MUC12: variants seen among roughly 807,000 people sequenced by gnomAD.
MUC12 encodes the protein mucin 12, cell surface associated, also known as mucin-12.
MUC12 carries 172 observed loss-of-function variants against 230.8 expected under a neutral mutation model. That is an observed-to-expected ratio of 0.75 (90% CI 0.66 to 0.85). The LOEUF (loss-of-function observed/expected upper bound fraction) is 0.85, where lower values mean the gene tolerates loss of function less well. Ranked by LOEUF, MUC12 falls within the 40% of genes least tolerant of loss-of-function variation. The probability of loss-of-function intolerance (pLI) is 0.00; values close to 1 mark genes in which losing one functional copy is unlikely to be tolerated. For synonymous variants in MUC12, 1,259 were observed against 2,401.9 expected (o/e 0.52, Z 13.91); for missense variants, 3,506 against 5,920.6 (o/e 0.59, Z 13.38).
Position 101,008,618 on chromosome 7 carries a change from T to C in MUC12, c.15059-16T>C, listed in dbSNP as rs757005430. ...GGAGGTCGCTGTCTCACGCATACCA[T>C]GGCCTTTTCCCACAGAAACCCCGGA... is the stretch of plus-strand genomic sequence containing the variant. On this transcript the variant is annotated splice_polypyrimidine_tract_variant and intron_variant, in intron 3 of 11. Transcript: ENST00000536621. 2 of 1,536,502 alleles carry C rather than the reference T, an allele frequency of 1.3e-6. No homozygotes were observed. The highest frequency in any genetic ancestry group is 2.4e-5 in the South Asian group (2 of 83,904).
intron 1 of MUC12, among the ~76,000 whole-genome samples, chr7:100,976,025 C>T (rs900645772): frequency 1.3e-5 from 2 of 152,242 alleles, no homozygotes; most frequent in Non-Finnish European, 2.9e-5. Context: ...TGGTGGCTCA[C>T]TCATGCCTGT....
chr7:101,004,580 A>T lies in MUC12; in HGVS notation c.14017A>T (p.Ser4673Cys). The T allele has an allele frequency of 6.5e-7, 1 of 1,537,074 alleles. No individual in the cohort carries two copies. The highest frequency in any genetic ancestry group is 8.7e-7 in the Non-Finnish European group (1 of 1,146,720). ...AATTGCAACAACACACTTTCCTGAG[A>T]GCTCCACAACCTCCGGCCGTAGTGA... ...GSIATTHFPE[S>C]STTSGRSEES... Residue 4673 changes from serine (S) to cysteine (C), a missense_variant, in exon 2 of 12, where the codon AGC becomes TGC. By Grantham distance (112) the Ser-to-Cys change is moderately radical. Transcript: ENST00000536621.
rs1793279908 is a variant in MUC12 at position 100,990,995 on chromosome 7, C to A, written c.432C>A (p.Pro144=). Residue 144 remains proline (P), a synonymous_variant, in exon 2 of 12, where the codon CCC becomes CCA. Transcript: ENST00000536621. ...SEKSTTFYSS[P]RSPDRTLSPA... is the part of the protein sequence containing the mutation. ...AATCTACCACCTTCTACAGTAGCCC[C>A]AGATCACCAGACAGAACACTCTCAC... 1 of 1,537,866 alleles carries A rather than the reference C, an allele frequency of 6.5e-7. No individual in the cohort carries two copies. The highest frequency in any genetic ancestry group is 1.4e-5 in the African/African-American group (1 of 73,136).
chr7:100,988,524 A>G (rs1793229726), intron 1 of MUC12, among the ~76,000 whole-genome samples: 1 of 152,114 alleles, frequency 6.6e-6, no homozygotes, highest in African/African-American at 2.4e-5. Flanking sequence ...ACCCAGGCTT[A>G]CGTATTTCTT....
rs1046022837 is a variant in MUC12, at chr7:101,009,081, C to T, written c.15187-14C>T. The T allele has an allele frequency of 3.3e-6, 5 of 1,537,536 alleles. No homozygotes were observed. In the African/African-American group the frequency reaches 6.8e-5, roughly 21 times the overall value. ...TCTAGCTTTGTGTGACCTTCGCTGC[C>T]TTGTTTCTTTCAGATGGATGTCGTT... On this transcript the variant is annotated splice_polypyrimidine_tract_variant and intron_variant, in intron 4 of 11. Coordinates refer to ENST00000536621, the MANE Select transcript of MUC12 (RefSeq NM_001164462.2).
intron 1 of MUC12, among the ~76,000 whole-genome samples, chr7:100,981,941 A>G (rs1793114289): frequency 6.9e-6 from 1 of 145,176 alleles, no homozygotes; most frequent in South Asian, 2.2e-4. Flanking sequence ...ATCTCAGCTC[A>G]CTGCAACCTA....
intron 1 of MUC12, among the ~76,000 whole-genome samples, chr7:100,984,605 A>G (rs1452890081): frequency 6.6e-6 from 1 of 151,548 alleles, no homozygotes; most frequent in Non-Finnish European, 1.5e-5. Context: ...TTCTCTTCCC[A>G]AGGCCGTCTA....
chr7:100,973,783 A>G (rs1175714658), intron 1 of MUC12, among the ~76,000 whole-genome samples: 2 of 152,146 alleles, frequency 1.3e-5, no homozygotes, highest in East Asian at 3.8e-4. Flanking sequence ...AGCTGGGTGT[A>G]GTGGTTCATG....
chr7:101,017,263 C>T, intron 10 of MUC12: 1 of 278,122 alleles, frequency 3.6e-6, no homozygotes, highest in Non-Finnish European at 6.7e-6. Context: ...GCCCTGTCTC[C>T]CGCTCCACTC....
At chr7:100,986,991 G>T (rs1338073678) in intron 1 of MUC12, among the ~76,000 whole-genome samples, 2 of 150,996 alleles carry the variant, frequency 1.3e-5, no homozygotes, top group Admixed American at 6.6e-5. Context: ...AATCCTACAC[G>T]TACTGTCCCA....
At position 100,990,986 on chromosome 7, in the gene MUC12, C is replaced by A; in HGVS notation, c.423C>A (p.Tyr141Ter). 1 of 1,537,896 alleles carries A rather than the reference C, an allele frequency of 6.5e-7. No homozygotes were observed. The highest frequency in any genetic ancestry group is 8.7e-7 in the Non-Finnish European group (1 of 1,147,050). Residue 141 changes from tyrosine (Y) to a stop codon, truncating the protein, a stop_gained, in exon 2 of 12, where the codon TAC becomes TAA. Transcript: ENST00000536621. LOFTEE classifies it high-confidence loss of function. ...TGAGTGAGAAATCTACCACCTTCTA[C>A]AGTAGCCCCAGATCACCAGACAGAA... The part of the protein sequence containing the change: ...AGLSEKSTTF[Y>*]SSPRSPDRTL...
At chr7:100,975,029 G>C (rs149202999) in intron 1 of MUC12, among the ~76,000 whole-genome samples, 1,090 of 151,696 alleles carry the variant, frequency 7.2e-3, no homozygotes, top group African/African-American at 0.025. Flanking sequence ...AGGGTCTCCA[G>C]TTGGGCCTGT....
Position 100,991,361 on chromosome 7 carries a change from C to G in MUC12, c.798C>G (p.Ser266=). Residue 266 remains serine, a synonymous_variant, in exon 2 of 12, where the codon TCC becomes TCG. Coordinates refer to ENST00000536621, the MANE Select transcript of MUC12 (RefSeq NM_001164462.2). ...TGSPHTTLSP[S]SSTTHEGEPT... ...CGCCACACACAACACTGTCCCCTTC[C>G]AGCTCTACAACCCATGAGGGAGAAC... The G allele has an allele frequency of 1.3e-6, 2 of 1,537,858 alleles. No homozygotes were observed. Among genetic ancestry groups the G allele is most frequent in the Non-Finnish European group, 1.7e-6 (2 of 1,147,048 alleles).
Position 101,004,679 on chromosome 7 carries a change from G to T in MUC12, c.14116G>T (p.Gly4706Cys). ...TPLPAHFTTS[G>C]RIAESTTFYI... ...CTTACCTGCCCATTTTACTACCTCA[G>T]GCCGCATTGCAGAATCTACCACCTT... Residue 4706 changes from glycine to cysteine, a missense_variant, in exon 2 of 12, where the codon GGC becomes TGC. Physicochemically the swap from Gly to Cys is radical, Grantham distance 159 (BLOSUM62 -3). Transcript: ENST00000536621. 6.5e-7 allele frequency: 1 copy of T among 1,537,816 alleles called. No individual in the cohort carries two copies. The highest frequency in any genetic ancestry group is 8.7e-7 in the Non-Finnish European group (1 of 1,147,042).
At chr7:100,981,370 C>T (rs371807932) in intron 1 of MUC12, 14 of 640,972 alleles carry the variant, frequency 2.2e-5, no homozygotes, top group South Asian at 5.0e-5. Context: ...CCTCCTGCAG[C>T]GAGTGAAGAA....
In MUC12 at chr7:100,991,521, A is replaced by G; in HGVS notation, c.958A>G (p.Ser320Gly). Residue 320 changes from serine to glycine, a missense_variant, in exon 2 of 12, where the codon AGC becomes GGC. Ser to Gly is a moderately conservative substitution (Grantham distance 56, BLOSUM62 0). Coordinates refer to ENST00000536621, the MANE Select transcript of MUC12 (RefSeq NM_001164462.2). Reference protein sequence around the residue: ...SSTPTTHFSASSTTLGHSEES... With the variant: ...SSTPTTHFSAGSTTLGHSEES... ...AACTCCAACAACCCACTTTTCTGCC[A>G]GCTCCACAACCTTGGGCCATAGTGA... 1 of 1,537,140 alleles carries G rather than the reference A, an allele frequency of 6.5e-7. No homozygotes were observed. Among genetic ancestry groups the G allele is most frequent in the South Asian group, 1.2e-5 (1 of 84,026 alleles).
chr7:100,978,079 C>T (rs1466510778), intron 1 of MUC12, among the ~76,000 whole-genome samples: 5 of 152,264 alleles, frequency 3.3e-5, no homozygotes, highest in South Asian at 2.1e-4. Flanking sequence ...CAAAGAAGGT[C>T]GCGTTCCCAG....
chr7:100,972,152 G>A, intron 1 of MUC12: 1 of 703,528 alleles, frequency 1.4e-6, no homozygotes, highest in Non-Finnish European at 2.6e-6. Flanking sequence ...TTTCCCAGCA[G>A]GTAGCTCATA....
Position 101,001,986 on chromosome 7 carries a change from C to A in MUC12, c.11423C>A (p.Thr3808Asn), listed in dbSNP as rs1171435473. Residue 3808 changes from threonine to asparagine, a missense_variant, in exon 2 of 12, where the codon ACT (threonine) becomes AAT (asparagine). Thr to Asn is a moderately conservative substitution (Grantham distance 65). Coordinates refer to ENST00000536621, the MANE Select transcript of MUC12 (RefSeq NM_001164462.2). The part of the protein sequence containing the change: ...TTVYSSSPGS[T>N]ETTVFPRSTT... Reference sequence around the variant, plus strand: ...GTCTACAGCAGCAGCCCAGGCTCAACTGAAACCACAGTGTTCCCTCGCAGC... The same window carrying A: ...GTCTACAGCAGCAGCCCAGGCTCAAATGAAACCACAGTGTTCCCTCGCAGC... The A allele has an allele frequency of 1.1e-5, 10 of 946,354 alleles. 2 individuals are homozygous for A. Among genetic ancestry groups the A allele is most frequent in the Non-Finnish European group, 1.4e-5 (10 of 699,474 alleles). 58.6% of individuals were successfully genotyped at this position (946,354 alleles called of 1,614,324 possible).
Sources: allele counts gnomAD v4.1 joint callset (sites outside exome capture counted in the v4.1 genomes callset), GRCh38; gene constraint gnomAD v4.1.1; transcripts MANE v1.5; gene names NCBI Gene and HGNC (gene_info 2026-07-23, HGNC 2026-07-21).